HLCS: variants seen among roughly 807,000 people sequenced by gnomAD.
The protein encoded by HLCS is holocarboxylase synthetase, also known as biotin--protein ligase.
A neutral mutation model predicts 75.0 loss-of-function variants in HLCS; 53 were observed. The observed-to-expected ratio is 0.71, with a 90% CI of 0.57 to 0.89. The LOEUF is 0.89. HLCS is among the 40% of genes least tolerant of loss of function. The pLI, the probability that HLCS is intolerant of heterozygous loss-of-function variation, is 0.00. For missense variants in HLCS, 966 were observed against 1,074.0 expected (o/e 0.90, Z 1.41); for synonymous variants, 431 against 428.6 (o/e 1.01, Z -0.07).
In HLCS at chr21:36,843,061, G is replaced by A. The variant is rs139339575; in HGVS notation, c.1892+53799C>T. On this transcript the variant is annotated intron_variant, in intron 6 of 10. Transcript: ENST00000674895. ...GAAGGAATCTTCAGGTAAAAGACAC[G>A]CCACAGGATACTAAGCTGAAATGGG... Among the ~76,000 whole-genome samples, 400 of 152,336 alleles carry A rather than the reference G, an allele frequency of 2.6e-3. 1 individual carries two copies. Among genetic ancestry groups the A allele is most frequent in the African/African-American group, 9.3e-3 (387 of 41,574 alleles).
At chr21:36,759,481 T>G (rs375222049) in intron 9 of HLCS, among the ~76,000 whole-genome samples, 89 of 152,372 alleles carry the variant, frequency 5.8e-4, no homozygotes, top group African/African-American at 2.1e-3. Context: ...TGTGGAAGGA[T>G]GTAGGAACAT....
At chr21:36,913,076 C>A (rs925944431) in intron 5 of HLCS, among the ~76,000 whole-genome samples, 1 of 152,136 alleles carries the variant, frequency 6.6e-6, no homozygotes, top group Non-Finnish European at 1.5e-5. Context: ...ACCCAAGATC[C>A]CCAGTCCTTT....
At chr21:36,854,997 G>T (rs2835502) in intron 6 of HLCS, among the ~76,000 whole-genome samples, 1 of 151,444 alleles carries the variant, frequency 6.6e-6, no homozygotes, top group Non-Finnish European at 1.5e-5. Flanking sequence ...AATCTGTTTC[G>T]CACTCTGAGA....
At chr21:36,968,178 AG>A (rs747254727), upstream of HLCS, among the ~76,000 whole-genome samples, 2 of 152,006 alleles carry the variant, frequency 1.3e-5, no homozygotes, top group Non-Finnish European at 2.9e-5. Flanking sequence ...TCATAGAGAC[AG>A]GGTCTCGCTG....
chr21:36,917,439 T>C (rs2065979996), intron 5 of HLCS, among the ~76,000 whole-genome samples: 1 of 152,140 alleles, frequency 6.6e-6, no homozygotes, highest in Non-Finnish European at 1.5e-5. Flanking sequence ...AGGGCGCACT[T>C]TCCCCGAGTA....
rs184037486 is a variant in HLCS, at chr21:36,900,327, A to C, written c.1621-3196T>G. On this transcript the variant is annotated intron_variant, in intron 5 of 10. Coordinates refer to ENST00000674895, the MANE Select transcript of HLCS (RefSeq NM_001352514.2). ...AGGATGCTGGGACAAAATCCACAGA[A>C]CTATGTTTTTATATTTATTTATAAA... Among the ~76,000 whole-genome samples, 8 of 152,198 alleles carry C rather than the reference A, an allele frequency of 5.3e-5. No homozygotes were observed. The East Asian group carries it at 1.4e-3, about 26-fold the overall frequency.
At chr21:36,795,269 G>A (rs1675340487) in intron 6 of HLCS, among the ~76,000 whole-genome samples, 1 of 152,192 alleles carries the variant, frequency 6.6e-6, no homozygotes, top group Non-Finnish European at 1.5e-5. Flanking sequence ...GAAAGGAAAT[G>A]CGCTTCGTCT....
chr21:36,979,827 C>A (rs1288882198), intron 1 of HLCS, among the ~76,000 whole-genome samples: 1 of 151,790 alleles, frequency 6.6e-6, no homozygotes, highest in Non-Finnish European at 1.5e-5. Flanking sequence ...GAGGCAAAAG[C>A]GGGCAAATCA....
chr21:36,918,402 A>G (rs1010012637), intron 5 of HLCS, among the ~76,000 whole-genome samples: 1 of 152,220 alleles, frequency 6.6e-6, no homozygotes, highest in Non-Finnish European at 1.5e-5. Flanking sequence ...AGAGAGGGTA[A>G]GAAGGAGACG....
intron 6 of HLCS, among the ~76,000 whole-genome samples, chr21:36,824,097 T>C (rs1346112612): frequency 2.6e-5 from 4 of 152,114 alleles, no homozygotes; most frequent in Non-Finnish European, 5.9e-5. Flanking sequence ...CTGGCCAACA[T>C]GGTGAAACCC....
chr21:36,901,269 A>T (rs2065226934), intron 5 of HLCS, among the ~76,000 whole-genome samples: 1 of 152,188 alleles, frequency 6.6e-6, no homozygotes, highest in Admixed American at 6.5e-5. Flanking sequence ...AAGGAAAAAA[A>T]AAATCCCTTG....
intron 6 of HLCS, among the ~76,000 whole-genome samples, chr21:36,884,323 C>T (rs933861215): frequency 1.3e-5 from 2 of 152,206 alleles, no homozygotes; most frequent in African/African-American, 2.4e-5. Context: ...GGCATTATTG[C>T]AGCTTGTCCA....
At chr21:36,793,841 C>T (rs1002769738) in intron 6 of HLCS, among the ~76,000 whole-genome samples, 2 of 152,166 alleles carry the variant, frequency 1.3e-5, no homozygotes, top group Non-Finnish European at 2.9e-5. Flanking sequence ...TGTCCCTTTA[C>T]GGCCAAGAGA....
chr21:36,836,250 ACACTTAC>A (rs2062407089), intron 6 of HLCS, among the ~76,000 whole-genome samples: 1 of 152,146 alleles, frequency 6.6e-6, no homozygotes, highest in Admixed American at 6.6e-5. Flanking sequence ...AGCAAGAGCT[ACACTTAC>A]CCTGGGGCTG....
intron 7 of HLCS, 96 bp downstream of exon 7, chr21:36,767,122 G>C (rs1444227387): frequency 8.4e-7 from 1 of 1,193,070 alleles, no homozygotes; most frequent in Non-Finnish European, 1.3e-6. Context: ...GAGTCCCCCA[G>C]ATGATCAGCA....
chr21:36,802,218 T>C (rs2061225948), intron 6 of HLCS, among the ~76,000 whole-genome samples: 1 of 152,058 alleles, frequency 6.6e-6, no homozygotes, highest in Non-Finnish European at 1.5e-5. Flanking sequence ...GATGCCGCCA[T>C]TTTCCCACAA....
chr21:36,949,378 G>A (rs1601847618), intron 2 of HLCS, among the ~76,000 whole-genome samples: 2 of 152,320 alleles, frequency 1.3e-5, no homozygotes, highest in East Asian at 3.9e-4. Context: ...GGCTGTCCAC[G>A]AAGAGCCACA....
chr21:36,785,350 T>G (rs1241088265), intron 6 of HLCS, among the ~76,000 whole-genome samples: 2 of 152,156 alleles, frequency 1.3e-5, no homozygotes, highest in Non-Finnish European at 2.9e-5. Flanking sequence ...ATGGCCCCCG[T>G]GAACGAAACC....
chr21:36,889,095 C>T (rs1035071518), intron 6 of HLCS, among the ~76,000 whole-genome samples: 1 of 152,222 alleles, frequency 6.6e-6, no homozygotes, highest in African/African-American at 2.4e-5. Context: ...GTGCCTAACA[C>T]AGTGCCTGGC....
Sources: gnomAD v4.1 joint callset for allele counts (sites outside exome capture counted in the v4.1 genomes callset) on GRCh38, gnomAD v4.1.1 for gene constraint, MANE v1.5 for transcripts, NCBI Gene and HGNC (gene_info 2026-07-23, HGNC 2026-07-21) for gene names.